Variants in PNISR observed in about 807,000 individuals in gnomAD.
PNISR encodes PNN interacting serine and arginine rich protein, also known as arginine/serine-rich protein PNISR.
Under a neutral mutation model 93.4 loss-of-function variants are expected in PNISR, and 20 were observed. The observed-to-expected ratio is 0.21, with a 90% CI of 0.15 to 0.31. PNISR has a LOEUF of 0.31. Among genes scored for constraint, PNISR ranks in the 10% least tolerant of loss-of-function variants. The pLI is 1.00. For missense variants in PNISR, 893 were observed against 985.4 expected (o/e 0.91, Z 1.25); for synonymous variants, 305 against 306.5 (o/e 0.99, Z 0.05).
rs975012929 is a variant in PNISR, at chr6:99,419,729, AT to A, written c.-111-3302del. ...ATTCTTTGTATCTTTAAAAATCTGT[AT>A]TTTTTCTAAAAATACACATTGACAG... On this transcript the variant is annotated intron_variant, in intron 1 of 11. Coordinates refer to ENST00000369239, the MANE Select transcript of PNISR (RefSeq NM_032870.4). Among the ~76,000 whole-genome samples, 38 of 152,032 alleles carry A rather than the reference AT, an allele frequency of 2.5e-4. 1 individual carries two copies.
In PNISR at chr6:99,404,603, C is replaced by A. The variant is rs747371802; in HGVS notation, c.1102G>T (p.Ala368Ser). 1 of 1,550,334 alleles carries A rather than the reference C, an allele frequency of 6.5e-7. No homozygotes were observed. The highest frequency in any genetic ancestry group is 8.9e-7 in the Non-Finnish European group (1 of 1,122,056). Residue 368 changes from alanine to serine, a missense_variant and splice_region_variant, in exon 9 of 12, where the codon GCT (alanine) becomes TCT (serine). Ala to Ser is a moderately conservative substitution (Grantham distance 99). Coordinates refer to ENST00000369239, the MANE Select transcript of PNISR (RefSeq NM_032870.4). ...CAAAACCAGAAACACCAAAATATAC[C>A]TTTCGTTGCTTTGCGGTGTGCATCT... Reference protein sequence around the residue: ...AKDAHRKATKAPAKQLAQSSA... With the variant: ...AKDAHRKATKSPAKQLAQSSA...
intron 9 of PNISR, 72 bp downstream of exon 9, chr6:99,404,530 CA>C (rs751437553): frequency 2.4e-5 from 19 of 805,190 alleles, no homozygotes; most frequent in Admixed American, 3.4e-5. Context: ...ACAAGGACAA[CA>C]AAAAAAGGCC....
In PNISR at chr6:99,404,671, A is replaced by G; in HGVS notation, c.1034T>C (p.Ile345Thr). 6.2e-7 allele frequency: 1 copy of G among 1,602,722 alleles called. No homozygotes were observed. Residue 345 changes from isoleucine to threonine, a missense_variant, in exon 9 of 12, where the codon ATT (isoleucine) becomes ACT (threonine). Ile to Thr is a moderately conservative substitution (Grantham distance 89). Transcript: ENST00000369239. ...MLLTKMLLTE[I>T]LLDVTDEEIY... is the part of the protein sequence containing the mutation. The stretch of plus-strand genomic sequence containing the variant: ...TTCTTCATCTGTGACATCCAGCAGA[A>G]TTTCTGTTAGAAGCATTTTTGTCAG...
At chr6:99,409,086 A>C (rs1439864083) in intron 6 of PNISR, 87 bp downstream of exon 6, 4 of 1,110,124 alleles carry the variant, frequency 3.6e-6, no homozygotes, top group East Asian at 5.0e-5. Context: ...AGAGATACTC[A>C]AACAATTTTA....
chr6:99,409,371 T>C (rs774847490), intron 5 of PNISR, 27 bp from the exon 6 acceptor site: 6 of 1,606,690 alleles, frequency 3.7e-6, no homozygotes, highest in African/African-American at 2.7e-5. Flanking sequence ...GTTTATTTTT[T>C]CTTCAAATTA....
At chr6:99,412,835 C>A (rs1204543242) in intron 3 of PNISR, 96 bp from the exon 4 acceptor site, 2 of 764,366 alleles carry the variant, frequency 2.6e-6, no homozygotes, top group Non-Finnish European at 3.9e-6. Context: ...TTCCTTAGAT[C>A]TTAAATATTT....
At chr6:99,405,978 A>G in intron 8 of PNISR, 53 bp downstream of exon 8, 2 of 1,364,040 alleles carry the variant, frequency 1.5e-6, no homozygotes. Flanking sequence ...GTCTCCAAAA[A>G]AAATTGCAAA....
At chr6:99,409,481 G>GCTCTAATATCTA (rs1582799207) in intron 5 of PNISR, 137 bp from the exon 6 acceptor site, 2 of 687,732 alleles carry the variant, frequency 2.9e-6, no homozygotes, top group East Asian at 5.7e-5. Flanking sequence ...AATATCCACC[G>GCTCTAATATCTA]ATACTTCTAT....
chr6:99,424,322 TAAG>T (rs758857380), intron 1 of PNISR, among the ~76,000 whole-genome samples: 25 of 152,204 alleles, frequency 1.6e-4, no homozygotes, highest in Admixed American at 4.6e-4. Context: ...CATCTATTAA[TAAG>T]AAGATAAACT....
Position 99,400,453 on chromosome 6 carries a change from TAA to T in PNISR, c.*85_*86del. On this transcript the variant is annotated 3_prime_UTR_variant, in exon 12 of 12. Transcript: ENST00000369239. ...TTATCAAGTACCAAACTGAGTTTAT[TAA>T]AGAGAGAGAGAAAGGACACTTTCAA... The T allele has an allele frequency of 1.3e-6, 2 of 1,494,382 alleles. No homozygotes were observed. Among genetic ancestry groups the T allele is most frequent in the Middle Eastern group, 1.8e-4 (1 of 5,580 alleles). 92.6% of individuals were successfully genotyped at this position (1,494,382 alleles called of 1,614,324 possible). A position where few individuals can be genotyped will look rare whatever the true frequency, so the allele number is the denominator to read the frequency against.
intron 1 of PNISR, among the ~76,000 whole-genome samples, chr6:99,417,917 G>A (rs1057237244): frequency 5.6e-5 from 8 of 143,584 alleles, no homozygotes; most frequent in Non-Finnish European, 9.0e-5. Context: ...GCAGTGAGCC[G>A]AGATTGTGCC....
intron 2 of PNISR, chr6:99,415,690 C>A (rs1323549145): frequency 6.6e-6 from 1 of 152,154 alleles, no homozygotes; most frequent in East Asian, 1.9e-4. Flanking sequence ...TAGTTCATAG[C>A]AGGCATTTAA....
chr6:99,422,891 A>AAC (rs1261869906), intron 1 of PNISR, among the ~76,000 whole-genome samples: 2 of 151,654 alleles, frequency 1.3e-5, no homozygotes, highest in African/African-American at 2.4e-5. Flanking sequence ...AAAAAAAAAA[A>AAC]AAAAAAAACT....
rs898975655 is a variant in PNISR, at chr6:99,399,428, T to G, written c.*1112A>C. 1.3e-5 allele frequency: 2 copies of G among 152,120 alleles called. No homozygotes were observed. Among genetic ancestry groups the G allele is most frequent in the Non-Finnish European group, 2.9e-5 (2 of 67,976 alleles). The allele number at this position is 152,120 out of a possible 1,614,324, so 9.4% of individuals were successfully genotyped here. A position where few individuals can be genotyped will look rare whatever the true frequency, so the allele number is the denominator to read the frequency against. On this transcript the variant is annotated 3_prime_UTR_variant, in exon 12 of 12. Coordinates refer to ENST00000369239, the MANE Select transcript of PNISR (RefSeq NM_032870.4). ...CATAATACAGCATTCCTCCATTGAT[T>G]TGAGGTCATATTATACTTTAAAAAT...
chr6:99,411,465 C>T (rs1319868408), intron 4 of PNISR, among the ~76,000 whole-genome samples: 1 of 152,014 alleles, frequency 6.6e-6, no homozygotes, highest in Non-Finnish European at 1.5e-5. Flanking sequence ...GTAGGGATGC[C>T]CGCGGGAGTC....
intron 6 of PNISR, among the ~76,000 whole-genome samples, chr6:99,408,507 T>C (rs1776436342): frequency 6.6e-6 from 1 of 152,134 alleles, no homozygotes; most frequent in African/African-American, 2.4e-5. Flanking sequence ...CTACTATTAC[T>C]CCACTTTTTT....
At position 99,401,216 on chromosome 6, in the gene PNISR, T is replaced by C. The variant is rs763879238; in HGVS notation, c.1742A>G (p.Lys581Arg). ...SRSRSYSRRI[K>R]IESNRARVKI... ...TACCCTAGCCCTATTGCTCTCTATT[T>C]TAATTCTGCGAGAATAGCTTCTACT... The change falls in exon 12 of 12, where the codon AAA (lysine) becomes AGA (arginine). Residue 581 changes from lysine to arginine, a missense_variant. Coordinates refer to ENST00000369239, the MANE Select transcript of PNISR (RefSeq NM_032870.4). The C allele has an allele frequency of 6.2e-7, 1 of 1,614,054 alleles. No homozygotes were observed. The highest frequency in any genetic ancestry group is 1.7e-5 in the Admixed American group (1 of 59,992).
intron 7 of PNISR, among the ~76,000 whole-genome samples, chr6:99,407,338 C>CA (rs67886910): frequency 0.57 from 70,108 of 122,006 alleles, 17,587 homozygotes; most frequent in East Asian, 0.79. Context: ...CCTAAAAAGA[C>CA]AAAAAAAAAA....
rs756371221 is a variant in PNISR at position 99,406,145 on chromosome 6, GTCT to G, written c.885_887del (p.Glu295del). ...TACTTGCAGCCTCAACATTTTCAGT[GTCT>G]TCTTCTTCCTCATCACTATCCTATA... On this transcript the variant is annotated inframe_deletion, in exon 8 of 12. Transcript: ENST00000369239. 1.3e-5 allele frequency: 21 copies of G among 1,609,498 alleles called. No homozygotes were observed. Among genetic ancestry groups the G allele is most frequent in the Middle Eastern group, 1.7e-4 (1 of 6,048 alleles).
Sources: allele counts gnomAD v4.1 joint callset (sites outside exome capture counted in the v4.1 genomes callset), GRCh38; gene constraint gnomAD v4.1.1; transcripts MANE v1.5; gene names NCBI Gene and HGNC (gene_info 2026-07-23, HGNC 2026-07-21).